The following PLCG1 variants were observed in gnomAD, a reference collection of about 807,000 sequenced individuals.
PLCG1 encodes the protein 1-phosphatidylinositol 4,5-bisphosphate phosphodiesterase gamma-1.
Under a neutral mutation model 177.8 loss-of-function variants are expected in PLCG1, and 71 were observed. The observed-to-expected ratio is 0.40, with a 90% confidence interval of 0.33 to 0.49. PLCG1 has a LOEUF of 0.49. Among genes scored for constraint, PLCG1 ranks in the 20% least tolerant of loss-of-function variants. The pLI, the probability that PLCG1 is intolerant of heterozygous loss-of-function variation, is 0.72. For synonymous variants in PLCG1, 658 were observed against 647.9 expected (o/e 1.02, Z -0.24); for missense variants, 1,281 against 1,709.0 (o/e 0.75, Z 4.42).
chr20:41,137,788 G>A lies in PLCG1; in HGVS notation c.147G>A (p.Lys49=). The A allele has an allele frequency of 7.7e-7, 1 of 1,301,588 alleles. No individual in the cohort carries two copies. The highest frequency in any genetic ancestry group is 2.9e-5 in the East Asian group (1 of 34,176). The allele number at this position is 1,301,588 out of a possible 1,614,324, so 80.6% of individuals were successfully genotyped here. The change falls in exon 1 of 32, where the codon AAG becomes AAA. Residue 49 remains lysine, a synonymous_variant. Transcript: ENST00000685551. This position sits in a 1 kb window ranked among gnomAD's most constrained non-coding sequence, Gnocchi z 7.3. The part of the protein sequence containing the change: ...YSKKSQRPER[K]TFQVKLETRQ... ...AGAAGTCGCAGCGACCCGAGCGGAA[G>A]ACCTTCCAGGTCAAGCTGGAGACGC...
In PLCG1 at chr20:41,164,177, A is replaced by G. The variant is rs1378087255; in HGVS notation, c.1193A>G (p.Lys398Arg). ...IKFSDVLHTIKEHAFVASEYP... is the reference protein window; with the variant it reads ...IKFSDVLHTIREHAFVASEYP... ...TTCTCAGATGTCCTGCACACCATCA[A>G]GGAGCATGCCTTTGTGGCCTCAGAG... Residue 398 changes from lysine (K) to arginine (R), a missense_variant, in exon 12 of 32, where the codon AAG (lysine) becomes AGG (arginine). This residue lies in a region of PLCG1 where 723 missense variants were observed against 1,030.0 expected (regional missense o/e 0.70). Coordinates refer to ENST00000685551, the MANE Select transcript of PLCG1 (RefSeq NM_002660.3). The surrounding 1 kb of genome is among the most constrained non-coding windows in gnomAD (Gnocchi z 6.4). The G allele has an allele frequency of 5.6e-6, 9 of 1,614,080 alleles. No individual in the cohort carries two copies. The South Asian group carries it at 6.6e-5, about 12-fold the overall frequency.
chr20:41,174,606 C>T lies in PLCG1; in HGVS notation c.*97C>T, dbSNP rs986767947. Reference sequence around the variant, plus strand: ...GAAGCAGCCCCCTGTGGCGGCCTTCCGGGTCTCGCAGCCTGAAGCCTGGAT... The same window carrying T: ...GAAGCAGCCCCCTGTGGCGGCCTTCTGGGTCTCGCAGCCTGAAGCCTGGAT... On this transcript the variant is annotated 3_prime_UTR_variant, in exon 32 of 32. Transcript: ENST00000685551. This position sits in a 1 kb window ranked among gnomAD's most constrained non-coding sequence, Gnocchi z 5.8. 21 of 1,052,320 alleles carry T rather than the reference C, an allele frequency of 2.0e-5. No individual in the cohort carries two copies. Among genetic ancestry groups the T allele is most frequent in the Middle Eastern group, 2.0e-4 (1 of 5,024 alleles). 65.2% of individuals were successfully genotyped at this position (1,052,320 alleles called of 1,614,324 possible).
In PLCG1 at chr20:41,157,136, C is replaced by T. The variant is rs1302432157; in HGVS notation, c.218-2470C>T. 6.6e-6 allele frequency among the ~76,000 whole-genome samples: 1 copy of T among 152,084 alleles called. No individual in the cohort carries two copies. Among genetic ancestry groups the T allele is most frequent in the Non-Finnish European group, 1.5e-5 (1 of 68,038 alleles). ...TGCGCTATGCTTACCTGGTTCCTAT[C>T]TCAGGCACCTGTTCTGCCTTCAACT... On this transcript the variant is annotated intron_variant, in intron 1 of 31. Transcript: ENST00000685551. This position sits in a 1 kb window ranked among gnomAD's most constrained non-coding sequence, Gnocchi z 5.4.
At position 41,175,873 on chromosome 20, in the gene PLCG1, C is replaced by T. The variant is rs1336681207; in HGVS notation, c.*1364C>T. The T allele has an allele frequency of 6.6e-6, 1 of 152,514 alleles. No homozygotes were observed. The highest frequency in any genetic ancestry group is 1.5e-5 in the Non-Finnish European group (1 of 68,042). 9.4% of individuals were successfully genotyped at this position (152,514 alleles called of 1,614,324 possible). ...TTAAGCAGCAAGAGCTGTAACCCCT[C>T]CTCTGGGCTAACAGGAGTTGTGGGT... On this transcript the variant is annotated 3_prime_UTR_variant, in exon 32 of 32. Coordinates refer to ENST00000685551, the MANE Select transcript of PLCG1 (RefSeq NM_002660.3).
At position 41,163,206 on chromosome 20, in the gene PLCG1, T is replaced by C. The variant is rs2035570951; in HGVS notation, c.720T>C (p.Ala240=). ...AGCTTACCTTCTCTCCCTGCAGGGC[T>C]GGGGAGCGGCCGGAGCTTTGCCGAG... ...LPFLEASTLR[A]GERPELCRVS... The change falls in exon 8 of 32, where the codon GCT becomes GCC. Residue 240 remains alanine (A), a synonymous_variant. Transcript: ENST00000685551. This position sits in a 1 kb window ranked among gnomAD's most constrained non-coding sequence, Gnocchi z 5.2. 6.5e-7 allele frequency: 1 copy of C among 1,545,602 alleles called. No individual in the cohort carries two copies. Among genetic ancestry groups the C allele is most frequent in the East Asian group, 2.3e-5 (1 of 44,384 alleles).
At chr20:41,155,139 T>C (rs577169117) in intron 1 of PLCG1, among the ~76,000 whole-genome samples, 1 of 152,364 alleles carries the variant, frequency 6.6e-6, no homozygotes. Flanking sequence ...CCTCGTCATA[T>C]AACCTTTTAT....
rs751060774 is a variant in PLCG1 at position 41,137,672 on chromosome 20, G to T, written c.31G>T (p.Gly11Cys). ...GGGCGCCGCGTCCCCTTGCGCCAAC[G>T]GCTGCGGGCCCGGCGCGCCCTCGGA... Reference protein sequence around the residue: MAGAASPCANGCGPGAPSDAE... With the variant: MAGAASPCANCCGPGAPSDAE... The change falls in exon 1 of 32, where the codon GGC becomes TGC. Residue 11 changes from glycine to cysteine, a missense_variant. Coordinates refer to ENST00000685551, the MANE Select transcript of PLCG1 (RefSeq NM_002660.3). This position sits in a 1 kb window ranked among gnomAD's most constrained non-coding sequence, Gnocchi z 7.3. The T allele has an allele frequency of 7.8e-5, 103 of 1,319,090 alleles. No homozygotes were observed. The East Asian group carries it at 3.2e-3, about 41-fold the overall frequency. 81.7% of individuals were successfully genotyped at this position (1,319,090 alleles called of 1,614,324 possible).
intron 22 of PLCG1, 77 bp downstream of exon 22, chr20:41,169,252 A>AAGCAC: frequency 8.7e-7 from 1 of 1,149,618 alleles, no homozygotes; most frequent in Non-Finnish European, 1.3e-6. Context: ...ACACAGTCCC[A>AAGCAC]AGCACGCACG....
rs536194245 is a variant in PLCG1 at position 41,172,059 on chromosome 20, T to C, written c.2809-134T>C. On this transcript the variant is annotated intron_variant, in intron 24 of 31. Coordinates refer to ENST00000685551, the MANE Select transcript of PLCG1 (RefSeq NM_002660.3). The surrounding 1 kb of genome is among the most constrained non-coding windows in gnomAD (Gnocchi z 7.0). ...CCCTCATTTACTGTTGGGTGTGGTG[T>C]CTGGAAGGTACAGGGGAAGGTGGGA... 1.4e-4 allele frequency: 100 copies of C among 723,204 alleles called. No individual in the cohort carries two copies. Among genetic ancestry groups the C allele is most frequent in the Non-Finnish European group, 2.1e-4 (84 of 395,482 alleles). The allele number at this position is 723,204 out of a possible 1,614,324, so 44.8% of individuals were successfully genotyped here.
rs773785640 is a variant in PLCG1 at position 41,172,264 on chromosome 20, C to T, written c.2880C>T (p.Cys960=). 2 of 1,613,786 alleles carry T rather than the reference C, an allele frequency of 1.2e-6. No individual in the cohort carries two copies. Among genetic ancestry groups the T allele is most frequent in the Admixed American group, 1.7e-5 (1 of 60,030 alleles). ...AGCTCTCTGAACTTGTCGTCTACTG[C>T]CGGCCTGTTCCCTTTGATGAAGAGA... is the stretch of plus-strand genomic sequence containing the variant. The part of the protein sequence containing the change: ...ALELSELVVY[C]RPVPFDEEKI... The change falls in exon 25 of 32, where the codon TGC becomes TGT. Residue 960 remains cysteine, a synonymous_variant. Transcript: ENST00000685551. The surrounding 1 kb of genome is among the most constrained non-coding windows in gnomAD (Gnocchi z 7.0).
At chr20:41,171,631 A>T (rs768037453) in intron 24 of PLCG1, among the ~76,000 whole-genome samples, 4 of 146,700 alleles carry the variant, frequency 2.7e-5, no homozygotes, top group Non-Finnish European at 4.5e-5. Flanking sequence ...AAAGTCCTCC[A>T]GGAGAGGATG....
chr20:41,173,298 T>C lies in PLCG1; in HGVS notation c.3280-122T>C, dbSNP rs2146064963. 1.0e-6 allele frequency: 1 copy of C among 971,332 alleles called. No individual in the cohort carries two copies. Among genetic ancestry groups the C allele is most frequent in the East Asian group, 2.6e-5 (1 of 37,890 alleles). The allele number at this position is 971,332 out of a possible 1,614,324, so 60.2% of individuals were successfully genotyped here. On this transcript the variant is annotated intron_variant, in intron 27 of 31. Transcript: ENST00000685551. The surrounding 1 kb of genome is among the most constrained non-coding windows in gnomAD (Gnocchi z 6.2). ...ATGTCGTGAGGGACTCCATGGGCAG[T>C]GTCCCGGGGGCCCAGCAGAGGGCGC...
chr20:41,172,299 A>AGG lies in PLCG1; in HGVS notation c.2905+12_2905+13dup, dbSNP rs1173989532. 1.2e-6 allele frequency: 2 copies of AGG among 1,608,814 alleles called. No individual in the cohort carries two copies. The highest frequency in any genetic ancestry group is 1.7e-6 in the Non-Finnish European group (2 of 1,175,132). ...CCCTTTGATGAAGAGAGTAAGGGCC[A>AGG]GGGCCCAGGCGGGGTGTGCATGTGC... is the stretch of plus-strand genomic sequence containing the variant. On this transcript the variant is annotated intron_variant, in intron 25 of 31. Coordinates refer to ENST00000685551, the MANE Select transcript of PLCG1 (RefSeq NM_002660.3). The surrounding 1 kb of genome is among the most constrained non-coding windows in gnomAD (Gnocchi z 7.0).
In PLCG1 at chr20:41,166,172, C is replaced by T. The variant is rs2146045431; in HGVS notation, c.1800-22C>T. The T allele has an allele frequency of 6.2e-7, 1 of 1,606,202 alleles. No individual in the cohort carries two copies. Among genetic ancestry groups the T allele is most frequent in the Non-Finnish European group, 8.5e-7 (1 of 1,176,448 alleles). On this transcript the variant is annotated intron_variant, in intron 16 of 31. Coordinates refer to ENST00000685551, the MANE Select transcript of PLCG1 (RefSeq NM_002660.3). The surrounding 1 kb of genome is among the most constrained non-coding windows in gnomAD (Gnocchi z 8.6). ...GCCCTGGCCTGTTTTCCCCAGCCTC[C>T]CTCACTCTGTGTCTTCCACAGGCGG...
Position 41,159,938 on chromosome 20 carries a change from G to A in PLCG1, c.439G>A (p.Ala147Thr). The stretch of plus-strand genomic sequence containing the variant: ...TTGGCTGATGGAGGATACATTGCAG[G>A]CACCCACACCCCTGCAGATTGAGAG... Reference protein sequence around the residue: ...LTWLMEDTLQAPTPLQIERWL... With the variant: ...LTWLMEDTLQTPTPLQIERWL... Residue 147 changes from alanine (A) to threonine (T), a missense_variant, in exon 3 of 32, where the codon GCA becomes ACA. Around this residue, in one of 4 missense-constraint regions of PLCG1, gnomAD observed 374 missense variants for 443.8 expected, o/e 0.84. Coordinates refer to ENST00000685551, the MANE Select transcript of PLCG1 (RefSeq NM_002660.3). The surrounding 1 kb of genome is among the most constrained non-coding windows in gnomAD (Gnocchi z 6.0). 6.2e-7 allele frequency: 1 copy of A among 1,614,034 alleles called. No individual in the cohort carries two copies. Among genetic ancestry groups the A allele is most frequent in the South Asian group, 1.1e-5 (1 of 91,072 alleles).
In PLCG1 at chr20:41,165,947, G is replaced by A; in HGVS notation, c.1799+121G>A. ...CCAGGACAATAATTAGGCTTTACAT[G>A]GAACATAATTTCACCTACATACACA... On this transcript the variant is annotated intron_variant, in intron 16 of 31. Coordinates refer to ENST00000685551, the MANE Select transcript of PLCG1 (RefSeq NM_002660.3). This position sits in a 1 kb window ranked among gnomAD's most constrained non-coding sequence, Gnocchi z 6.6. 1 of 866,910 alleles carries A rather than the reference G, an allele frequency of 1.2e-6. No individual in the cohort carries two copies. 53.7% of individuals were successfully genotyped at this position (866,910 alleles called of 1,614,324 possible). A position where few individuals can be genotyped will look rare whatever the true frequency, so the allele number is the denominator to read the frequency against.
Position 41,172,087 on chromosome 20 carries a change from G to A in PLCG1, c.2809-106G>A. ...GGAAGGTACAGGGGAAGGTGGGAGA[G>A]GGGCCCAGAGCACCTGCAGTGTGGG... On this transcript the variant is annotated intron_variant, in intron 24 of 31. Coordinates refer to ENST00000685551, the MANE Select transcript of PLCG1 (RefSeq NM_002660.3). This position sits in a 1 kb window ranked among gnomAD's most constrained non-coding sequence, Gnocchi z 7.0. 2.4e-6 allele frequency: 2 copies of A among 819,326 alleles called. No individual in the cohort carries two copies. The highest frequency in any genetic ancestry group is 1.7e-5 in the Admixed American group (1 of 57,682). 50.8% of individuals were successfully genotyped at this position (819,326 alleles called of 1,614,324 possible).
At chr20:41,170,543 G>A in intron 24 of PLCG1, 1 of 389,168 alleles carries the variant, frequency 2.6e-6, no homozygotes, top group South Asian at 3.7e-5. Context: ...AGAGGTAAGA[G>A]GAGAAGTCCT....
rs2035641637 is a variant in PLCG1, at chr20:41,165,214, C to G, written c.1387-31C>G. The G allele has an allele frequency of 2.0e-5, 32 of 1,612,750 alleles. No individual in the cohort carries two copies. In the East Asian group the frequency reaches 7.1e-4, roughly 36 times the overall value. ...GAGGAGGTGGGGTGAGGACTGGGGT[C>G]TGCATTGCCCTGTTCTGGTTGCCCC... On this transcript the variant is annotated intron_variant, in intron 13 of 31. Transcript: ENST00000685551. The surrounding 1 kb of genome is among the most constrained non-coding windows in gnomAD (Gnocchi z 6.6).
Sources: gnomAD v4.1 joint callset for allele counts (sites outside exome capture counted in the v4.1 genomes callset) on GRCh38, gnomAD v4.1.1 for gene constraint, gnomAD v4.1.1 regional missense constraint, Gnocchi (gnomAD v3.1) non-coding constraint, MANE v1.5 for transcripts, NCBI Gene and HGNC (gene_info 2026-07-23, HGNC 2026-07-21) for gene names.